The following CCNF variants were observed in gnomAD, a reference collection of about 807,000 sequenced individuals.
The protein encoded by CCNF is cyclin-F.
A neutral mutation model predicts 85.4 loss-of-function variants in CCNF; 30 were observed. The observed-to-expected ratio is 0.35, with a 90% confidence interval of 0.26 to 0.48. The LOEUF (loss-of-function observed/expected upper bound fraction) is 0.48. Among genes scored for constraint, CCNF ranks in the 20% least tolerant of loss-of-function variants. The pLI, the probability that CCNF is intolerant of heterozygous loss-of-function variation, is 0.99. For missense variants in CCNF, 919 were observed against 1,010.4 expected, an observed-to-expected ratio of 0.91 and a Z score of 1.23; for synonymous variants, 439 against 425.1, an observed-to-expected ratio of 1.03 and a Z score of -0.40.
chr16:2,439,909 G>T (rs1019041811), intron 8 of CCNF, 83 bp downstream of exon 8: 35 of 1,202,136 alleles, frequency 2.9e-5, no homozygotes, highest in Non-Finnish European at 3.9e-5. Flanking sequence ...CTCCCACATT[G>T]GGGGGCAGGA....
rs747267442 is a variant in CCNF at position 2,449,776 on chromosome 16, ATCCCCTCCG to A, written c.1400-43_1400-35del. On this transcript the variant is annotated intron_variant, in intron 12 of 16. Coordinates refer to ENST00000397066, the MANE Select transcript of CCNF (RefSeq NM_001761.3). The stretch of plus-strand genomic sequence containing the variant: ...TCACCACAGCCCCTCCGTCCCCTCC[ATCCCCTCCG>A]TCCCCTCCATCCCCTCCACCCCTGG... 4.7e-4 allele frequency: 179 copies of A among 383,534 alleles called. 11 individuals carry two copies. The highest frequency in any genetic ancestry group is 3.2e-3 in the East Asian group (60 of 18,512). 23.8% of individuals were successfully genotyped at this position (383,534 alleles called of 1,614,324 possible).
At chr16:2,449,161 G>A in intron 11 of CCNF, 121 bp from the exon 12 acceptor site, 2 of 1,433,434 alleles carry the variant, frequency 1.4e-6, no homozygotes, top group Non-Finnish European at 2.0e-6. Flanking sequence ...GCGCTGGTGC[G>A]CTACGCGTGC....
chr16:2,447,945 C>T (rs900977725), intron 10 of CCNF, among the ~76,000 whole-genome samples: 4 of 152,220 alleles, frequency 2.6e-5, no homozygotes, highest in African/African-American at 7.2e-5. Context: ...AAGTGAATGA[C>T]GCATGCAACC....
chr16:2,433,044 A>G lies in CCNF; in HGVS notation c.255A>G (p.Pro85=). 1 of 1,610,180 alleles carries G rather than the reference A, an allele frequency of 6.2e-7. No homozygotes were observed. Among genetic ancestry groups the G allele is most frequent in the East Asian group, 2.2e-5 (1 of 44,780 alleles). Residue 85 remains proline (P), a synonymous_variant, in exon 3 of 17, where the codon CCA becomes CCG. Transcript: ENST00000397066. ...GCTTCCAGGAGCTGTGGCCGTCTCC[A>G]GGGAACCTGAAGCTCTTTGAAAGGT... ...CASFQELWPS[P]GNLKLFERAA...
At chr16:2,449,629 A>G (rs1054603606) in intron 12 of CCNF, among the ~76,000 whole-genome samples, 167 bp downstream of exon 12, 3 of 152,050 alleles carry the variant, frequency 2.0e-5, no homozygotes, top group Non-Finnish European at 4.4e-5. Flanking sequence ...TCTGACCATG[A>G]GCCTGCACGC....
chr16:2,432,992 A>G lies in CCNF; in HGVS notation c.203A>G (p.Asn68Ser). 1 of 1,609,854 alleles carries G rather than the reference A, an allele frequency of 6.2e-7. No homozygotes were observed. The change falls in exon 3 of 17, where the codon AAC becomes AGC. Residue 68 changes from asparagine (N) to serine (S), a missense_variant. By Grantham distance (46) the Asn-to-Ser change is conservative. This residue lies in a region of CCNF where 410 missense variants were observed against 478.6 expected (regional missense o/e 0.86). Transcript: ENST00000397066. ...TCCCAGCTGAAGGACCTGGTGGACA[A>G]CCACGCCAGTGTGTGGGCATGTGCC... Reference protein sequence around the residue: ...VHSQLKDLVDNHASVWACASF... With the variant: ...VHSQLKDLVDSHASVWACASF...
intron 1 of CCNF, 25 bp from the exon 2 acceptor site, chr16:2,431,105 A>T: frequency 6.2e-7 from 1 of 1,611,596 alleles, no homozygotes; most frequent in Non-Finnish European, 8.5e-7. Context: ...CATCTTATCA[A>T]GGCTTCTGTC....
At chr16:2,439,280 G>A (rs573956085) in intron 6 of CCNF, 73 bp from the exon 7 acceptor site, 61 of 1,311,116 alleles carry the variant, frequency 4.7e-5, no homozygotes, top group Admixed American at 4.6e-4. Context: ...CCTGGGCGAC[G>A]AGTGAAACTG....
At chr16:2,435,271 A>AG in intron 3 of CCNF, among the ~76,000 whole-genome samples, 1 of 147,262 alleles carries the variant, frequency 6.8e-6, no homozygotes. Flanking sequence ...AGAAAAGAAA[A>AG]GAAAAAAAAA....
intron 13 of CCNF, among the ~76,000 whole-genome samples, chr16:2,450,713 T>G (rs2141828164): frequency 6.6e-6 from 1 of 152,296 alleles, no homozygotes; most frequent in South Asian, 2.1e-4. Flanking sequence ...TCAGGCGGCA[T>G]CTGGCTGCTT....
chr16:2,457,183 C>A lies in CCNF; in HGVS notation c.*163C>A. ...TTTCTGTCTCCGCGGGAGTCCCGTG[C>A]AAGCCATCAGAATGTTGAAATGAGG... On this transcript the variant is annotated 3_prime_UTR_variant, in exon 17 of 17. Transcript: ENST00000397066. 1.7e-6 allele frequency: 1 copy of A among 575,600 alleles called. No individual in the cohort carries two copies. Among genetic ancestry groups the A allele is most frequent in the Non-Finnish European group, 3.0e-6 (1 of 328,598 alleles). The allele number at this position is 575,600 out of a possible 1,614,324, so 35.7% of individuals were successfully genotyped here.
chr16:2,441,937 T>TTATA (rs55737759), intron 8 of CCNF, among the ~76,000 whole-genome samples: 3,304 of 59,370 alleles, frequency 0.056, 98 homozygotes, highest in Non-Finnish European at 0.062. Flanking sequence ...TATTAGCAAA[T>TTATA]TATATATATA....
At position 2,453,471 on chromosome 16, in the gene CCNF, C is replaced by T. The variant is rs754969037; in HGVS notation, c.1649C>T (p.Pro550Leu). The change falls in exon 15 of 17, where the codon CCG (proline) becomes CTG (leucine). Residue 550 changes from proline to leucine, a missense_variant. By Grantham distance (98) the Pro-to-Leu change is moderately conservative. This residue lies in a region of CCNF where 505 missense variants were observed against 514.8 expected (regional missense o/e 0.98). Transcript: ENST00000397066. This position sits in a 1 kb window ranked among gnomAD's most constrained non-coding sequence, Gnocchi z 5.6. The part of the protein sequence containing the change: ...LGVTQDSPDP[P>L]TFLSTGEIHA... ...GTGACACAAGACAGCCCCGACCCCC[C>T]GACTTTCCTCAGCACAGGGGAGATC... 91 of 1,614,104 alleles carry T rather than the reference C, an allele frequency of 5.6e-5. No individual in the cohort carries two copies. Among genetic ancestry groups the T allele is most frequent in the Non-Finnish European group, 7.0e-5 (83 of 1,180,002 alleles).
chr16:2,437,906 A>AG (rs2065300132), intron 5 of CCNF, 164 bp from the exon 6 acceptor site: 2 of 502,640 alleles, frequency 4.0e-6, no homozygotes, highest in Admixed American at 6.5e-5. Flanking sequence ...TTCCCTTTAA[A>AG]AAAAAAAAAA....
chr16:2,449,018 C>T (rs752803519), intron 11 of CCNF, 40 bp downstream of exon 11: 43 of 1,188,530 alleles, frequency 3.6e-5, no homozygotes, highest in East Asian at 9.5e-5. Context: ...TCTTCGTTGT[C>T]GCTGTGCTGG....
chr16:2,443,671 C>G lies in CCNF; in HGVS notation c.800C>G (p.Ala267Gly). ...CAGCTGTCTTTAGCCAAAGCCTGTG[C>G]AAATGCAAACCAGCTTGGACTGGAG... ...EAQLSLAKAC[A>G]NANQLGLEVR... Residue 267 changes from alanine to glycine, a missense_variant, in exon 9 of 17, where the codon GCA becomes GGA. Transcript: ENST00000397066. 1 of 1,614,106 alleles carries G rather than the reference C, an allele frequency of 6.2e-7. No homozygotes were observed. Among genetic ancestry groups the G allele is most frequent in the Non-Finnish European group, 8.5e-7 (1 of 1,179,992 alleles).
chr16:2,430,098 G>T (rs917055097), intron 1 of CCNF, among the ~76,000 whole-genome samples: 1 of 152,194 alleles, frequency 6.6e-6, no homozygotes, highest in African/African-American at 2.4e-5. Flanking sequence ...GAATACGTTT[G>T]GCTTTTGCAG....
At position 2,449,411 on chromosome 16, in the gene CCNF, G is replaced by T. The variant is rs774096632; in HGVS notation, c.1348G>T (p.Ala450Ser). Residue 450 changes from alanine (A) to serine (S), a missense_variant, in exon 12 of 17, where the codon GCC (alanine) becomes TCC (serine). Ala to Ser is a moderately conservative substitution (Grantham distance 99). Transcript: ENST00000397066. ...LHTSLSAYAP[A>S]RLAAAALLLA... The stretch of plus-strand genomic sequence containing the variant: ...CACCAGCCTGTCCGCCTACGCCCCA[G>T]CCCGCCTGGCTGCCGCAGCCCTGCT... The T allele has an allele frequency of 1.1e-5, 17 of 1,610,736 alleles. No homozygotes were observed. The South Asian group carries it at 1.8e-4, about 17-fold the overall frequency.
intron 15 of CCNF, among the ~76,000 whole-genome samples, chr16:2,454,968 G>A (rs1264544138): frequency 1.3e-5 from 2 of 150,192 alleles, no homozygotes; most frequent in African/African-American, 4.9e-5. Flanking sequence ...CCTGAGGCAG[G>A]AGACTCACTT....
Sources: gnomAD v4.1 joint callset for allele counts (sites outside exome capture counted in the v4.1 genomes callset) on GRCh38, gnomAD v4.1.1 for gene constraint, gnomAD v4.1.1 regional missense constraint, Gnocchi (gnomAD v3.1) non-coding constraint, MANE v1.5 for transcripts, NCBI Gene and HGNC (gene_info 2026-07-23, HGNC 2026-07-21) for gene names.